The following CAMKK2 variants were observed in gnomAD, a reference collection of about 807,000 sequenced individuals.
CAMKK2 encodes calcium/calmodulin-dependent protein kinase kinase 2.
In CAMKK2, 30 loss-of-function variants were observed where a neutral mutation model predicts 67.2. The ratio of observed to expected loss-of-function variants is 0.45; its 90% CI spans 0.33 to 0.61. The LOEUF (loss-of-function observed/expected upper bound fraction) is 0.61, where lower values mean the gene tolerates loss of function less well. Ranked by LOEUF, CAMKK2 falls within the 20% of genes least tolerant of loss-of-function variation. CAMKK2 has a pLI of 0.02. For missense variants in CAMKK2, 643 were observed against 802.0 expected (o/e 0.80, Z 2.39); for synonymous variants, 322 against 326.2 (o/e 0.99, Z 0.14).
At chr12:121,268,719 G>A in intron 4 of CAMKK2, 30 bp from the exon 5 acceptor site, 3 of 1,608,740 alleles carry the variant, frequency 1.9e-6, no homozygotes, top group Non-Finnish European at 1.7e-6. Context: ...AGCACCTTTA[G>A]CCAGGTCCTG....
At chr12:121,250,339 C>G (rs188836931) in intron 11 of CAMKK2, among the ~76,000 whole-genome samples, 1 of 152,182 alleles carries the variant, frequency 6.6e-6, no homozygotes. Context: ...AAACACTGCT[C>G]GTCACCTACT....
intron 1 of CAMKK2, among the ~76,000 whole-genome samples, chr12:121,289,328 C>G (rs1899483546): frequency 6.6e-6 from 1 of 152,184 alleles, no homozygotes; most frequent in African/African-American, 2.4e-5. Context: ...AATCCCTTTC[C>G]CATTTGGATC....
chr12:121,240,758 G>C lies in CAMKK2; in HGVS notation c.1708C>G (p.Pro570Ala). Residue 570 changes from proline to alanine, a missense_variant, in exon 17 of 17, where the codon CCC becomes GCC. Physicochemically the swap from Pro to Ala is conservative, Grantham distance 27. Transcript: ENST00000404169. This position sits in a 1 kb window ranked among gnomAD's most constrained non-coding sequence, Gnocchi z 4.4. ...PCVESCWAPA[P>A]GSPARMHPLR... is the part of the protein sequence containing the mutation. ...GGATGCATGCGTGCGGGGGAGCCGG[G>C]GGCGGGGGCCCAGCAACTTTCCACG... 6.2e-7 allele frequency: 1 copy of C among 1,608,788 alleles called. No individual in the cohort carries two copies. The highest frequency in any genetic ancestry group is 8.5e-7 in the Non-Finnish European group (1 of 1,178,850).
intron 7 of CAMKK2, among the ~76,000 whole-genome samples, chr12:121,259,232 G>A (rs1892961400): frequency 6.6e-6 from 1 of 152,142 alleles, no homozygotes; most frequent in African/African-American, 2.4e-5. Context: ...TCCCTGGGGA[G>A]CCACTGTATT....
intron 4 of CAMKK2, 52 bp downstream of exon 4, chr12:121,269,476 A>G: frequency 7.3e-7 from 1 of 1,377,562 alleles, no homozygotes; most frequent in Non-Finnish European, 1.0e-6. Flanking sequence ...GCTGGAAAGG[A>G]GGCTCTTCTG....
chr12:121,270,064 G>C (rs1188943032), intron 3 of CAMKK2, among the ~76,000 whole-genome samples: 2 of 150,448 alleles, frequency 1.3e-5, no homozygotes, highest in Non-Finnish European at 3.0e-5. Context: ...AAAACAGAAA[G>C]GTCTGATATA....
In CAMKK2 at chr12:121,240,746, C is replaced by A. The variant is rs1437886558; in HGVS notation, c.1720G>T (p.Ala574Ser). The change falls in exon 17 of 17, where the codon GCA becomes TCA. Residue 574 changes from alanine (A) to serine (S), a missense_variant. By Grantham distance (99) the Ala-to-Ser change is moderately conservative. Around this residue, in one of 3 missense-constraint regions of CAMKK2, gnomAD observed 140 missense variants for 124.2 expected, o/e 1.13. Transcript: ENST00000404169. The surrounding 1 kb of genome is among the most constrained non-coding windows in gnomAD (Gnocchi z 4.4). ...TCCGGCCGCAGTGGATGCATGCGTG[C>A]GGGGGAGCCGGGGGCGGGGGCCCAG... ...SCWAPAPGSP[A>S]RMHPLRPEEA... The A allele has an allele frequency of 1.2e-6, 2 of 1,608,276 alleles. No individual in the cohort carries two copies. Among genetic ancestry groups the A allele is most frequent in the East Asian group, 2.2e-5 (1 of 44,844 alleles).
rs965569124 is a variant in CAMKK2, at chr12:121,268,765, G to T, written c.574-76C>A. 5 of 1,436,054 alleles carry T rather than the reference G, an allele frequency of 3.5e-6. No homozygotes were observed. The African/African-American group carries it at 7.0e-5, about 20-fold the overall frequency. 89.0% of individuals were successfully genotyped at this position (1,436,054 alleles called of 1,614,324 possible). ...GGAGGAAAAGGGGAAGGAGGGCGCA[G>T]TCGGGGTTCCTCTACTCCAAAGCCG... is the stretch of plus-strand genomic sequence containing the variant. On this transcript the variant is annotated intron_variant, in intron 4 of 16. Transcript: ENST00000404169.
chr12:121,241,718 G>A (rs1045561178), intron 16 of CAMKK2, among the ~76,000 whole-genome samples: 1 of 152,268 alleles, frequency 6.6e-6, no homozygotes, highest in African/African-American at 2.4e-5. Context: ...GAAAGGAAGC[G>A]TGATGTCTGG....
intron 7 of CAMKK2, among the ~76,000 whole-genome samples, chr12:121,259,331 G>C (rs1001499412): frequency 1.3e-5 from 2 of 152,050 alleles, no homozygotes; most frequent in Non-Finnish European, 2.9e-5. Flanking sequence ...CAAAACCCAC[G>C]CATCACACTC....
rs183459075 is a variant in CAMKK2 at position 121,285,760 on chromosome 12, C to T, written c.-60+10878G>A. Reference sequence around the variant, plus strand: ...TGGGGAGGTTGATGCAGCAGTGAGCCGTGATCATGCCACCGCACTCTAGCC... The same window carrying T: ...TGGGGAGGTTGATGCAGCAGTGAGCTGTGATCATGCCACCGCACTCTAGCC... On this transcript the variant is annotated intron_variant, in intron 1 of 16. Transcript: ENST00000404169. The surrounding 1 kb of genome is among the most constrained non-coding windows in gnomAD (Gnocchi z 4.1). Among the ~76,000 whole-genome samples the T allele has an allele frequency of 1.2e-4, 18 of 152,218 alleles. No homozygotes were observed. The East Asian group carries it at 3.1e-3, about 26-fold the overall frequency.
chr12:121,249,931 G>A (rs202101645), intron 12 of CAMKK2, 30 bp downstream of exon 12: 2 of 1,613,256 alleles, frequency 1.2e-6, no homozygotes, highest in South Asian at 2.2e-5. Flanking sequence ...ACTCGGACAG[G>A]AGAGATGCGG....
chr12:121,286,640 C>T lies in CAMKK2; in HGVS notation c.-60+9998G>A, dbSNP rs569411984. On this transcript the variant is annotated intron_variant, in intron 1 of 16. Transcript: ENST00000404169. Reference sequence around the variant, plus strand: ...CTCACTGCAGCCTTGATCTCCCGGGCTCAAGCATTCCTCCCACCTCAGCCC... The same window carrying T: ...CTCACTGCAGCCTTGATCTCCCGGGTTCAAGCATTCCTCCCACCTCAGCCC... Among the ~76,000 whole-genome samples, 65 of 152,190 alleles carry T rather than the reference C, an allele frequency of 4.3e-4. 1 individual carries two copies. Among genetic ancestry groups the T allele is most frequent in the African/African-American group, 1.2e-3 (51 of 41,504 alleles).
At chr12:121,293,328 G>A (rs1286141749) in intron 1 of CAMKK2, among the ~76,000 whole-genome samples, 1 of 152,078 alleles carries the variant, frequency 6.6e-6, no homozygotes, top group African/African-American at 2.4e-5. Context: ...AAGACCCTCT[G>A]ATTTAAAGGA....
intron 6 of CAMKK2, among the ~76,000 whole-genome samples, chr12:121,263,103 G>A (rs1288270037): frequency 6.6e-6 from 1 of 152,068 alleles, no homozygotes; most frequent in African/African-American, 2.4e-5. Context: ...TGAAGTGGCT[G>A]GGATTACAGG....
At chr12:121,290,305 C>T (rs903207094) in intron 1 of CAMKK2, among the ~76,000 whole-genome samples, 23 of 152,238 alleles carry the variant, frequency 1.5e-4, no homozygotes, top group Admixed American at 1.4e-3. Flanking sequence ...GTGGCACTAT[C>T]TCTCTGCTTT....
chr12:121,281,897 G>T (rs1444922671), intron 1 of CAMKK2, among the ~76,000 whole-genome samples: 2 of 152,218 alleles, frequency 1.3e-5, no homozygotes, highest in Non-Finnish European at 2.9e-5. Flanking sequence ...GGTGAGCCAA[G>T]ATTGGGCCAT....
intron 5 of CAMKK2, among the ~76,000 whole-genome samples, chr12:121,267,022 CTTTTTTTTTTTTT>C (rs58762246): frequency 9.8e-5 from 3 of 30,768 alleles, no homozygotes; most frequent in South Asian, 2.3e-3. Context: ...GTGCTCTGGC[CTTTTTTTTTTTTT>C]TTTTTTTTTT....
rs190649510 is a variant in CAMKK2, at chr12:121,273,978, C to T, written c.471+78G>A. 3,397 of 1,139,616 alleles carry T rather than the reference C, an allele frequency of 3.0e-3. 10 individuals carry two copies. Among genetic ancestry groups the T allele is most frequent in the Non-Finnish European group, 3.3e-3 (2,758 of 823,678 alleles). 70.6% of individuals were successfully genotyped at this position (1,139,616 alleles called of 1,614,324 possible). On this transcript the variant is annotated intron_variant, in intron 2 of 16. Transcript: ENST00000404169. ...CTCAGATCCTTCTGGGGGAGCCCAA[C>T]CTTCCACAGAGGCCCTGCTGGGGGC...
Sources: gnomAD v4.1 joint callset for allele counts (sites outside exome capture counted in the v4.1 genomes callset) on GRCh38, gnomAD v4.1.1 for gene constraint, gnomAD v4.1.1 regional missense constraint, Gnocchi (gnomAD v3.1) non-coding constraint, MANE v1.5 for transcripts, NCBI Gene and HGNC (gene_info 2026-07-23, HGNC 2026-07-21) for gene names.